The following MAP3K7CL variants were observed in gnomAD, a reference collection of about 807,000 sequenced individuals.
The protein encoded by MAP3K7CL is MAP3K7 C-terminal-like protein.
MAP3K7CL carries 16 observed loss-of-function variants against 18.6 expected under a neutral mutation model. The ratio of observed to expected loss-of-function variants is 0.86; its 90% confidence interval spans 0.58 to 1.31. The LOEUF (loss-of-function observed/expected upper bound fraction) is 1.31. Among genes scored for constraint, MAP3K7CL ranks in the 50% most tolerant of loss-of-function variants. MAP3K7CL has a pLI of 0.00. For missense variants in MAP3K7CL, 163 were observed against 174.4 expected (o/e 0.93, Z 0.37); for synonymous variants, 65 against 66.8 (o/e 0.97, Z 0.13).
intron 4 of MAP3K7CL, among the ~76,000 whole-genome samples, chr21:29,171,806 C>CAAA (rs34411156): frequency 1.1e-3 from 94 of 82,704 alleles, no homozygotes; most frequent in Non-Finnish European, 1.6e-3. Context: ...GACTCCATCT[C>CAAA]AAAAAAAAAA....
intron 2 of MAP3K7CL, among the ~76,000 whole-genome samples, chr21:29,141,909 T>C (rs1201259375): frequency 6.6e-6 from 1 of 152,184 alleles, no homozygotes; most frequent in Non-Finnish European, 1.5e-5. Context: ...TTTTTTGATA[T>C]ATTGGGAATG....
chr21:29,077,261 G>T (rs956325317), upstream of MAP3K7CL, among the ~76,000 whole-genome samples: 8 of 152,250 alleles, frequency 5.3e-5, no homozygotes, highest in Admixed American at 2.6e-4. Flanking sequence ...CGCTCGTCGC[G>T]GAGGCTCGGG....
At chr21:29,157,698 T>G (rs2087440930) in intron 3 of MAP3K7CL, among the ~76,000 whole-genome samples, 1 of 152,164 alleles carries the variant, frequency 6.6e-6, no homozygotes, top group African/African-American at 2.4e-5. Context: ...GATAACAACA[T>G]CTTGAATTTC....
intron 4 of MAP3K7CL, among the ~76,000 whole-genome samples, chr21:29,106,801 T>C (rs1353392970): frequency 6.6e-6 from 1 of 152,168 alleles, no homozygotes; most frequent in Admixed American, 6.5e-5. Flanking sequence ...GGCCAAGCTG[T>C]TGGAGCAGGC....
rs187386595 is a variant in MAP3K7CL at position 29,147,547 on chromosome 21, T to C, written c.71-1642T>C. 1.3e-3 allele frequency among the ~76,000 whole-genome samples: 198 copies of C among 152,046 alleles called. 1 individual carries two copies. The highest frequency in any genetic ancestry group is 4.5e-3 in the African/African-American group (188 of 41,492). On this transcript the variant is annotated intron_variant, in intron 2 of 4. Transcript: ENST00000399928. ...TATCTCTATTATATATGTATATGTG[T>C]ACTGTATCTGTATTGTATATGTATG...
intron 3 of MAP3K7CL, 45 bp from the exon 4 acceptor site, chr21:29,159,896 C>T: frequency 1.3e-6 from 2 of 1,488,914 alleles, no homozygotes; most frequent in Non-Finnish European, 9.3e-7. Context: ...GGTAATTTAT[C>T]CTGATGCAAA....
chr21:29,135,966 G>A (rs1264688514), intron 2 of MAP3K7CL, among the ~76,000 whole-genome samples: 1 of 152,198 alleles, frequency 6.6e-6, no homozygotes, highest in Non-Finnish European at 1.5e-5. Flanking sequence ...GGCAGGAGCT[G>A]AGGTTCAGTG....
chr21:29,134,019 G>GAA (rs1189135440), intron 2 of MAP3K7CL, among the ~76,000 whole-genome samples: 1 of 152,156 alleles, frequency 6.6e-6, no homozygotes, highest in East Asian at 1.9e-4. Flanking sequence ...CACCACTTTT[G>GAA]AACAAAAGAC....
chr21:29,099,332 C>T (rs184066710), intron 4 of MAP3K7CL, among the ~76,000 whole-genome samples: 2 of 144,926 alleles, frequency 1.4e-5, no homozygotes, highest in East Asian at 4.2e-4. Context: ...CTTGAACTTC[C>T]GGGTTCAAGC....
chr21:29,171,806 C>CAAAAAAAA (rs34411156), intron 4 of MAP3K7CL, among the ~76,000 whole-genome samples: 3 of 83,192 alleles, frequency 3.6e-5, no homozygotes, highest in African/African-American at 4.8e-5. Flanking sequence ...GACTCCATCT[C>CAAAAAAAA]AAAAAAAAAA....
upstream of MAP3K7CL, among the ~76,000 whole-genome samples, chr21:29,125,797 C>A (rs868504500): frequency 2.0e-5 from 3 of 152,150 alleles, no homozygotes; most frequent in African/African-American, 7.2e-5. Flanking sequence ...TGACATTTCA[C>A]TGGGGTCAGG....
At chr21:29,094,740 C>T (rs1382001774) in intron 4 of MAP3K7CL, among the ~76,000 whole-genome samples, 3 of 152,082 alleles carry the variant, frequency 2.0e-5, no homozygotes, top group Non-Finnish European at 1.5e-5. Context: ...CAGTGCCTTA[C>T]GGTTTCCTCT....
intron 1 of MAP3K7CL, among the ~76,000 whole-genome samples, chr21:29,090,034 C>T (rs555326833): frequency 1.3e-5 from 2 of 152,214 alleles, no homozygotes; most frequent in East Asian, 3.9e-4. Context: ...ATTTCCTTGC[C>T]TTTATTTTCA....
chr21:29,144,548 G>A (rs2087083806), intron 2 of MAP3K7CL, among the ~76,000 whole-genome samples: 1 of 152,070 alleles, frequency 6.6e-6, no homozygotes, highest in Admixed American at 6.5e-5. Context: ...GAGCGGAGTG[G>A]TATGGTGGAA....
chr21:29,101,920 A>G (rs1477152998), intron 4 of MAP3K7CL, among the ~76,000 whole-genome samples: 3 of 152,188 alleles, frequency 2.0e-5, no homozygotes, highest in Non-Finnish European at 2.9e-5. Flanking sequence ...TAGAAGTTCC[A>G]TTATTTTTTC....
At chr21:29,106,052 A>G (rs2086316074) in intron 4 of MAP3K7CL, among the ~76,000 whole-genome samples, 1 of 152,138 alleles carries the variant, frequency 6.6e-6, no homozygotes, top group East Asian at 1.9e-4. Context: ...ACTAATCCCT[A>G]GGCTCTAAGA....
Position 29,098,181 on chromosome 21 carries a change from C to A in MAP3K7CL, c.370+5600C>A, listed in dbSNP as rs368441491. On this transcript the variant is annotated intron_variant, in intron 4 of 6. Coordinates refer to the MAP3K7CL transcript ENST00000286791. ...TTCTGTTGGAGAGCACCAGTCTACACAGCACCAGCAAGTCAGTTCCCTTTC... is the reference window on the plus strand; with the variant it reads ...TTCTGTTGGAGAGCACCAGTCTACAAAGCACCAGCAAGTCAGTTCCCTTTC... Among the ~76,000 whole-genome samples the A allele has an allele frequency of 3.9e-5, 6 of 152,228 alleles. No individual in the cohort carries two copies. In the East Asian group the frequency reaches 1.2e-3, roughly 29 times the overall value.
intron 4 of MAP3K7CL, among the ~76,000 whole-genome samples, chr21:29,120,122 A>G (rs1232168232): frequency 6.6e-6 from 1 of 151,796 alleles, no homozygotes; most frequent in Non-Finnish European, 1.5e-5. Flanking sequence ...GATTGTTTTT[A>G]TGAGATCTTA....
chr21:29,093,568 G>A (rs548427206), intron 4 of MAP3K7CL, among the ~76,000 whole-genome samples: 23 of 151,952 alleles, frequency 1.5e-4, no homozygotes, highest in African/African-American at 3.9e-4. Flanking sequence ...TGCAAGCTCC[G>A]CCTCCTGGGT....
Sources: gnomAD v4.1 joint callset for allele counts (sites outside exome capture counted in the v4.1 genomes callset) on GRCh38, gnomAD v4.1.1 for gene constraint, MANE v1.5 for transcripts, NCBI Gene and HGNC (gene_info 2026-07-23, HGNC 2026-07-21) for gene names.